The following ITPRID1 variants were observed in gnomAD, a reference collection of about 807,000 sequenced individuals.
The protein encoded by ITPRID1 is ITPR interacting domain containing 1, also known as protein ITPRID1.
A neutral mutation model predicts 95.4 loss-of-function variants in ITPRID1; 96 were observed. The observed-to-expected ratio is 1.01, with a 90% CI of 0.85 to 1.19. The LOEUF (loss-of-function observed/expected upper bound fraction) is 1.19. Ranked by LOEUF, ITPRID1 falls within the 50% of genes most tolerant of loss-of-function variation. The pLI is 0.00. For synonymous variants in ITPRID1, 510 were observed against 453.6 expected (o/e 1.12, Z -1.58); for missense variants, 1,339 against 1,252.9 (o/e 1.07, Z -1.04).
intron 1 of ITPRID1, among the ~76,000 whole-genome samples, chr7:31,519,620 C>CTCTCTATATATATATATATATA: frequency 3.6e-4 from 9 of 25,262 alleles, no homozygotes; most frequent in Non-Finnish European, 4.4e-4. Context: ...CTCTCTCTCT[C>CTCTCTATATATATATATATATA]TATATATATA....
chr7:31,610,173 C>T (rs1318183787), intron 10 of ITPRID1, among the ~76,000 whole-genome samples: 1 of 151,526 alleles, frequency 6.6e-6, no homozygotes, highest in African/African-American at 2.4e-5. Flanking sequence ...ATTATTGAGG[C>T]TTATTTTGTG....
At chr7:31,617,080 A>G (rs575684144) in intron 10 of ITPRID1, among the ~76,000 whole-genome samples, 3 of 152,330 alleles carry the variant, frequency 2.0e-5, no homozygotes, top group East Asian at 1.9e-4. Context: ...GAGCTACCCC[A>G]AAGATGGTTG....
intron 10 of ITPRID1, among the ~76,000 whole-genome samples, chr7:31,605,734 A>G (rs1786593668): frequency 6.6e-6 from 1 of 152,252 alleles, no homozygotes; most frequent in Non-Finnish European, 1.5e-5. Context: ...TGGAAAAAAG[A>G]GTTGGCATTT....
chr7:31,537,688 A>G (rs1783804550), intron 1 of ITPRID1, among the ~76,000 whole-genome samples: 2 of 152,232 alleles, frequency 1.3e-5, no homozygotes, highest in East Asian at 1.9e-4. Context: ...AATAAAAATG[A>G]CATTATTTAT....
At chr7:31,583,815 G>A (rs893400132) in intron 10 of ITPRID1, among the ~76,000 whole-genome samples, 5 of 152,120 alleles carry the variant, frequency 3.3e-5, no homozygotes, top group Admixed American at 3.3e-4. Context: ...TGGGGAGGGG[G>A]TACTTTTTCA....
intron 10 of ITPRID1, among the ~76,000 whole-genome samples, chr7:31,636,119 C>G (rs1056947456): frequency 1.3e-5 from 2 of 152,058 alleles, no homozygotes; most frequent in African/African-American, 4.8e-5. Context: ...AGAACTCACT[C>G]ACTGTCACAA....
intron 10 of ITPRID1, among the ~76,000 whole-genome samples, chr7:31,638,875 C>T (rs189481473): frequency 1.1e-3 from 169 of 152,204 alleles, no homozygotes; most frequent in African/African-American, 3.8e-3. Context: ...CTCCCAGGTT[C>T]GAGCAATTCT....
At chr7:31,658,184 G>C, downstream of ITPRID1, 1 of 1,190,978 alleles carries the variant, frequency 8.4e-7, no homozygotes, top group East Asian at 2.6e-5. Flanking sequence ...ATTTGTGTAA[G>C]GATATTCGTT....
At chr7:31,558,989 G>T (rs1461649966) in intron 5 of ITPRID1, among the ~76,000 whole-genome samples, 1 of 152,114 alleles carries the variant, frequency 6.6e-6, no homozygotes, top group Non-Finnish European at 1.5e-5. Context: ...GAAGTATAAA[G>T]CTATGCTGAA....
At chr7:31,552,873 C>G (rs1784327838) in intron 2 of ITPRID1, 129 bp from the exon 3 acceptor site, 8 of 964,426 alleles carry the variant, frequency 8.3e-6, no homozygotes, top group Non-Finnish European at 1.2e-5. Context: ...GAGCCAGGTT[C>G]ATGTATGACT....
chr7:31,631,922 C>T (rs1042186954), intron 10 of ITPRID1, among the ~76,000 whole-genome samples: 19 of 152,126 alleles, frequency 1.2e-4, no homozygotes, highest in Non-Finnish European at 2.1e-4. Flanking sequence ...ATACAAGCTC[C>T]GTGATGGCAG....
At chr7:31,610,294 A>G (rs1302502277) in intron 10 of ITPRID1, among the ~76,000 whole-genome samples, 1 of 151,398 alleles carries the variant, frequency 6.6e-6, no homozygotes, top group Non-Finnish European at 1.5e-5. Context: ...ACAGATGTCT[A>G]TTAGGACTAC....
At chr7:31,620,347 G>A (rs1468025163) in intron 10 of ITPRID1, among the ~76,000 whole-genome samples, 20 of 152,130 alleles carry the variant, frequency 1.3e-4, no homozygotes, top group Admixed American at 1.2e-3. Flanking sequence ...CAGCCTAACT[G>A]GGAGGCACCC....
At chr7:31,651,805 C>T in intron 13 of ITPRID1, 134 bp from the exon 14 acceptor site, 2 of 611,312 alleles carry the variant, frequency 3.3e-6, no homozygotes, top group Admixed American at 2.9e-5. Flanking sequence ...AGTAATGTCT[C>T]CAGCTGACAC....
intron 9 of ITPRID1, 42 bp downstream of exon 9, chr7:31,578,476 C>A (rs1276902681): frequency 1.4e-6 from 2 of 1,440,430 alleles, no homozygotes; most frequent in African/African-American, 1.4e-5. Flanking sequence ...AGGGAAATAA[C>A]CTTCACTATG....
At position 31,643,037 on chromosome 7, in the gene ITPRID1, C is replaced by T; in HGVS notation, c.1667C>T (p.Pro556Leu). The T allele has an allele frequency of 3.7e-6, 6 of 1,613,970 alleles. No homozygotes were observed. Among genetic ancestry groups the T allele is most frequent in the Non-Finnish European group, 5.1e-6 (6 of 1,179,888 alleles). Residue 556 changes from proline (P) to leucine (L), a missense_variant, in exon 12 of 15, where the codon CCC becomes CTC. Transcript: ENST00000615280. ...CATGCTGAGTATGAGGTCACCAGAC[C>T]CACAGCCACTTCCAAATATGATCAT... ...MPHAEYEVTR[P>L]TATSKYDHPL...
At chr7:31,637,006 A>G (rs1789553684) in intron 10 of ITPRID1, among the ~76,000 whole-genome samples, 2 of 150,880 alleles carry the variant, frequency 1.3e-5, no homozygotes, top group Non-Finnish European at 2.9e-5. Context: ...CATCCTTGCG[A>G]TAGTTTGCTG....
chr7:31,577,844 T>C lies in ITPRID1; in HGVS notation c.599-19T>C. 2.0e-6 allele frequency: 3 copies of C among 1,536,700 alleles called. No individual in the cohort carries two copies. The highest frequency in any genetic ancestry group is 1.3e-5 in the South Asian group (1 of 78,340). On this transcript the variant is annotated intron_variant, in intron 8 of 14. Transcript: ENST00000615280. ...AAAAAGACCCAATCTGAAACTTTCG[T>C]GTTTCTTGTGTTGTGCAGGTCGTTT...
chr7:31,564,537 T>C (rs1784731359), intron 5 of ITPRID1, among the ~76,000 whole-genome samples: 1 of 151,964 alleles, frequency 6.6e-6, no homozygotes, highest in Non-Finnish European at 1.5e-5. Context: ...GAAGCAAGTA[T>C]AGAATTGAGG....
Sources: allele counts gnomAD v4.1 joint callset (sites outside exome capture counted in the v4.1 genomes callset), GRCh38; gene constraint gnomAD v4.1.1; transcripts MANE v1.5; gene names NCBI Gene and HGNC (gene_info 2026-07-23, HGNC 2026-07-21).